Variants in ANP32A observed in about 807,000 individuals in gnomAD.
The protein encoded by ANP32A is acidic leucine-rich nuclear phosphoprotein 32 family member A.
A neutral mutation model predicts 33.9 loss-of-function variants in ANP32A; 1 was observed. The ratio of observed to expected loss-of-function variants is 0.03; its 90% CI spans 0.01 to 0.14. The LOEUF is 0.14. Among genes scored for constraint, ANP32A ranks in the 10% least tolerant of loss-of-function variants. The pLI is 1.00. For synonymous variants in ANP32A, 115 were observed against 120.5 expected (o/e 0.95, Z 0.30); for missense variants, 155 against 306.0 (o/e 0.51, Z 3.68).
At chr15:68,797,825 CCAACA>C (rs1451758140) in intron 1 of ANP32A, among the ~76,000 whole-genome samples, 1 of 152,200 alleles carries the variant, frequency 6.6e-6, no homozygotes, top group African/African-American at 2.4e-5. Context: ...TATCTCTCCC[CCAACA>C]CAGCCTTGCT....
intron 1 of ANP32A, chr15:68,817,493 C>G (rs1894399084): frequency 6.6e-6 from 1 of 152,420 alleles, no homozygotes; most frequent in Non-Finnish European, 1.5e-5. Context: ...ACTAGAGTCG[C>G]GTGCGCGACA....
intron 1 of ANP32A, among the ~76,000 whole-genome samples, chr15:68,820,474 C>G (rs1027335850): frequency 6.6e-6 from 1 of 152,146 alleles, no homozygotes; most frequent in African/African-American, 2.4e-5. Flanking sequence ...CGGGAGCACA[C>G]GCACAGGTAG....
rs1893850327 is a variant in ANP32A at position 68,780,245 on chromosome 15, C to T, written c.689-103G>A. ...GGGGACCCATGACTAGCAAGCTGTG[C>T]CATCCTTGGAAACCGAGGCAAGACA... On this transcript the variant is annotated intron_variant, in intron 6 of 6. Transcript: ENST00000465139. This position sits in a 1 kb window ranked among gnomAD's most constrained non-coding sequence, Gnocchi z 4.3. The T allele has an allele frequency of 1.3e-6, 2 of 1,567,144 alleles. No homozygotes were observed. The highest frequency in any genetic ancestry group is 2.3e-5 in the East Asian group (1 of 44,434).
Position 68,779,541 on chromosome 15 carries a change from C to T in ANP32A, c.*540G>A, listed in dbSNP as rs1194148512. ...ATGAGAGATGGGGAATGTCCCCAGA[C>T]CAGTGCCAAAATACGCCTTTAGGTT... On this transcript the variant is annotated 3_prime_UTR_variant, in exon 7 of 7. Coordinates refer to ENST00000465139, the MANE Select transcript of ANP32A (RefSeq NM_006305.4). 1 of 153,262 alleles carries T rather than the reference C, an allele frequency of 6.5e-6. No homozygotes were observed. Among genetic ancestry groups the T allele is most frequent in the East Asian group, 1.9e-4 (1 of 5,212 alleles). The allele number at this position is 153,262 out of a possible 1,614,324, so 9.5% of individuals were successfully genotyped here.
rs1256537818 is a variant in ANP32A, at chr15:68,780,506, A to C, written c.625-33T>G. On this transcript the variant is annotated intron_variant, in intron 5 of 6. Coordinates refer to ENST00000465139, the MANE Select transcript of ANP32A (RefSeq NM_006305.4). This position sits in a 1 kb window ranked among gnomAD's most constrained non-coding sequence, Gnocchi z 4.3. ...AAAGGACAGACACCAGAACATTAGA[A>C]ATGCCCTGCCTTGGGACATGCTGAG... 1.2e-6 allele frequency: 2 copies of C among 1,613,568 alleles called. No homozygotes were observed. Among genetic ancestry groups the C allele is most frequent in the Non-Finnish European group, 1.7e-6 (2 of 1,179,636 alleles).
rs1894017744 is a variant in ANP32A, at chr15:68,793,057, C to T, written c.55-5138G>A. 2.6e-5 allele frequency among the ~76,000 whole-genome samples: 4 copies of T among 152,270 alleles called. No homozygotes were observed. In the South Asian group the frequency reaches 8.3e-4, roughly 32 times the overall value. On this transcript the variant is annotated intron_variant, in intron 1 of 6. Transcript: ENST00000465139. ...CCCCTTCCCAGGAAGCCTTCTCCAA[C>T]CCAGCTCTGTGCATCCTGGGGCACC...
intron 3 of ANP32A, among the ~76,000 whole-genome samples, chr15:68,785,658 G>A (rs1265693559): frequency 6.6e-6 from 1 of 152,122 alleles, no homozygotes; most frequent in Non-Finnish European, 1.5e-5. Context: ...GCAGCTTCCC[G>A]CCCCAGGACG....
chr15:68,799,352 T>C (rs750802522), intron 1 of ANP32A, among the ~76,000 whole-genome samples: 6 of 152,162 alleles, frequency 3.9e-5, no homozygotes, highest in Non-Finnish European at 8.8e-5. Flanking sequence ...ATTGCTGAAC[T>C]TCCAGAGTTC....
chr15:68,817,993 C>T (rs1894409377), intron 1 of ANP32A, among the ~76,000 whole-genome samples: 1 of 152,224 alleles, frequency 6.6e-6, no homozygotes, highest in African/African-American at 2.4e-5. Context: ...CCAGTAACGC[C>T]TCGGCGCCCT....
chr15:68,794,586 C>T (rs1256820569), intron 1 of ANP32A, among the ~76,000 whole-genome samples: 3 of 152,182 alleles, frequency 2.0e-5, no homozygotes, highest in African/African-American at 4.8e-5. Flanking sequence ...AATGGGCCAT[C>T]CCCTGTTGCA....
intron 1 of ANP32A, among the ~76,000 whole-genome samples, chr15:68,794,045 T>C (rs1894032071): frequency 6.6e-6 from 1 of 152,236 alleles, no homozygotes; most frequent in African/African-American, 2.4e-5. Context: ...TTTCTTCTTT[T>C]TAGCCCAGCT....
At chr15:68,789,341 C>G (rs1456472278) in intron 1 of ANP32A, 1 of 152,450 alleles carries the variant, frequency 6.6e-6, no homozygotes, top group African/African-American at 2.4e-5. Context: ...TCCTTCTCAA[C>G]AGCAGTCCAG....
intron 1 of ANP32A, among the ~76,000 whole-genome samples, chr15:68,797,725 T>C (rs1487151755): frequency 1.3e-5 from 2 of 152,116 alleles, no homozygotes; most frequent in Non-Finnish European, 2.9e-5. Flanking sequence ...TCATAGACAA[T>C]GGAAATTTTA....
chr15:68,809,624 C>T (rs1305286950), intron 1 of ANP32A, among the ~76,000 whole-genome samples: 1 of 152,078 alleles, frequency 6.6e-6, no homozygotes, highest in Admixed American at 6.5e-5. Flanking sequence ...ACATGATGAC[C>T]AGCGACCTAA....
rs200775709 is a variant in ANP32A at position 68,802,641 on chromosome 15, CA to C, written c.55-14723del. On this transcript the variant is annotated intron_variant, in intron 1 of 6. Coordinates refer to ENST00000465139, the MANE Select transcript of ANP32A (RefSeq NM_006305.4). ...CTACAGGGTGGCAGTCATACAGCCT[CA>C]GAGTCCTATTATCTTATTTATTTAT... Among the ~76,000 whole-genome samples, 836 of 152,298 alleles carry C rather than the reference CA, an allele frequency of 5.5e-3. 6 individuals carry two copies. The highest frequency in any genetic ancestry group is 9.2e-3 in the Non-Finnish European group (629 of 68,036).
intron 1 of ANP32A, among the ~76,000 whole-genome samples, chr15:68,798,972 A>T (rs1894096598): frequency 6.6e-6 from 1 of 152,210 alleles, no homozygotes; most frequent in Admixed American, 6.5e-5. Context: ...ATGCAGAAGA[A>T]CCTAAGGCTG....
In ANP32A at chr15:68,801,860, T is replaced by C. The variant is rs1054550593; in HGVS notation, c.55-13941A>G. On this transcript the variant is annotated intron_variant, in intron 1 of 6. Coordinates refer to ENST00000465139, the MANE Select transcript of ANP32A (RefSeq NM_006305.4). Reference sequence around the variant, plus strand: ...TGCTCAGAGGATAAACTCTGAGGAATGGGGACAGGAACAAGGCCTGACTCC... The same window carrying C: ...TGCTCAGAGGATAAACTCTGAGGAACGGGGACAGGAACAAGGCCTGACTCC... 1.9e-5 allele frequency: 3 copies of C among 154,664 alleles called. No homozygotes were observed. The Admixed American group carries it at 2.0e-4, about 10-fold the overall frequency. 9.6% of individuals were successfully genotyped at this position (154,664 alleles called of 1,614,324 possible).
chr15:68,783,122 G>A, intron 4 of ANP32A, 69 bp from the exon 5 acceptor site: 1 of 1,543,792 alleles, frequency 6.5e-7, no homozygotes, highest in East Asian at 2.4e-5. Context: ...ACACAGCACA[G>A]GCCCCTTGTA....
intron 1 of ANP32A, among the ~76,000 whole-genome samples, chr15:68,813,231 C>A (rs1042568475): frequency 1.3e-5 from 2 of 152,222 alleles, no homozygotes; most frequent in African/African-American, 2.4e-5. Context: ...TGTGGCCCAG[C>A]AGGCCCAGGA....
Sources: gnomAD v4.1 joint callset for allele counts (sites outside exome capture counted in the v4.1 genomes callset) on GRCh38, gnomAD v4.1.1 for gene constraint, Gnocchi (gnomAD v3.1) non-coding constraint, MANE v1.5 for transcripts, NCBI Gene and HGNC (gene_info 2026-07-23, HGNC 2026-07-21) for gene names.